FLNB: variants seen among roughly 807,000 people sequenced by gnomAD.
The protein encoded by FLNB is filamin-B.
FLNB carries 111 observed loss-of-function variants against 250.6 expected under a neutral mutation model. The observed-to-expected ratio is 0.44, with a 90% CI of 0.38 to 0.52. The LOEUF (loss-of-function observed/expected upper bound fraction) is 0.52, where lower values mean the gene tolerates loss of function less well. Ranked by LOEUF, FLNB falls within the 20% of genes least tolerant of loss-of-function variation. The probability of loss-of-function intolerance (pLI) is 0.00; values close to 1 mark genes in which losing one functional copy is unlikely to be tolerated. For synonymous variants in FLNB, 1,302 were observed against 1,372.1 expected (o/e 0.95, Z 1.13); for missense variants, 2,869 against 3,447.8 (o/e 0.83, Z 4.20).
At chr3:58,127,515 C>T (rs1210595973) in intron 24 of FLNB, among the ~76,000 whole-genome samples, 6 of 152,074 alleles carry the variant, frequency 3.9e-5, no homozygotes, top group South Asian at 2.1e-4. Flanking sequence ...TTCTCAACTC[C>T]GGCACTATGA....
chr3:58,076,119 G>A (rs759541259), intron 1 of FLNB, among the ~76,000 whole-genome samples: 2 of 152,180 alleles, frequency 1.3e-5, no homozygotes, highest in Non-Finnish European at 2.9e-5. Flanking sequence ...AATGACTGAC[G>A]TGTCAGAATA....
chr3:58,117,024 A>G (rs1219969482), intron 18 of FLNB, among the ~76,000 whole-genome samples: 1 of 152,180 alleles, frequency 6.6e-6, no homozygotes, highest in Admixed American at 6.5e-5. Flanking sequence ...TCTCAGTCCC[A>G]TCCTCTTCTG....
chr3:58,098,707 G>C lies in FLNB; in HGVS notation c.1148-4G>C, dbSNP rs771120650. The C allele has an allele frequency of 8.7e-6, 14 of 1,613,982 alleles. No individual in the cohort carries two copies. The highest frequency in any genetic ancestry group is 1.1e-5 in the Non-Finnish European group (13 of 1,179,986). ...GGGCTCATGGAATGCTTGCTTTCTT[G>C]TAGGAGCTGGTGTGGGTGACATTGG... On this transcript the variant is annotated splice_region_variant and splice_polypyrimidine_tract_variant and intron_variant, in intron 7 of 45. Coordinates refer to ENST00000295956, the MANE Select transcript of FLNB (RefSeq NM_001457.4).
intron 1 of FLNB, among the ~76,000 whole-genome samples, chr3:58,037,468 G>A (rs2097139735): frequency 6.6e-6 from 1 of 152,120 alleles, no homozygotes; most frequent in Admixed American, 6.6e-5. Flanking sequence ...GTAATGAATG[G>A]GGAGGTTCCT....
chr3:58,110,944 C>T (rs890479394), intron 16 of FLNB, among the ~76,000 whole-genome samples: 1 of 152,176 alleles, frequency 6.6e-6, no homozygotes, highest in Non-Finnish European at 1.5e-5. Context: ...TGGCTCCTTA[C>T]AACCAAGAAG....
In FLNB at chr3:58,130,707, G is replaced by A. The variant is rs372664231; in HGVS notation, c.4223-34G>A. The A allele has an allele frequency of 7.3e-4, 1,172 of 1,604,026 alleles. 6 individuals are homozygous for A. The highest frequency in any genetic ancestry group is 7.6e-4 in the Non-Finnish European group (893 of 1,174,420). On this transcript the variant is annotated intron_variant, in intron 24 of 45. Coordinates refer to ENST00000295956, the MANE Select transcript of FLNB (RefSeq NM_001457.4). ...TGCACAAGGTGGTCTCCAATTCCCAGCTTGTGCTCAGAATCCCACAACCTC... is the reference window on the plus strand; with the variant it reads ...TGCACAAGGTGGTCTCCAATTCCCAACTTGTGCTCAGAATCCCACAACCTC...
Position 58,138,134 on chromosome 3 carries a change from C to A in FLNB, c.4862-148C>A. On this transcript the variant is annotated intron_variant, in intron 28 of 45. Coordinates refer to ENST00000295956, the MANE Select transcript of FLNB (RefSeq NM_001457.4). ...CGTAACCCTTTGAGCAACACCTGAT[C>A]AGGGGATCTTTGGGATATCCCTCTG... 7.1e-6 allele frequency: 7 copies of A among 991,280 alleles called. No homozygotes were observed. The South Asian group carries it at 8.2e-5, about 12-fold the overall frequency. The allele number at this position is 991,280 out of a possible 1,614,324, so 61.4% of individuals were successfully genotyped here.
chr3:58,023,824 A>G (rs2097118499), intron 1 of FLNB, among the ~76,000 whole-genome samples: 1 of 152,108 alleles, frequency 6.6e-6, no homozygotes, highest in East Asian at 1.9e-4. Flanking sequence ...AGTTTTTAGG[A>G]CCTACTTTTA....
At chr3:58,060,769 C>CAAAAAAAAAAAA (rs71091334) in intron 1 of FLNB, among the ~76,000 whole-genome samples, 5 of 64,214 alleles carry the variant, frequency 7.8e-5, no homozygotes, top group African/African-American at 1.2e-4. Context: ...GACCTTGTCT[C>CAAAAAAAAAAAA]AAAAAAAAAA....
chr3:58,133,062 T>C (rs1196101033), intron 26 of FLNB, 131 bp downstream of exon 26: 1 of 1,021,818 alleles, frequency 9.8e-7, no homozygotes, highest in Non-Finnish European at 1.5e-6. Flanking sequence ...CCTCCATCAG[T>C]CCATCCATCC....
chr3:58,031,746 G>A (rs1483342554), intron 1 of FLNB, among the ~76,000 whole-genome samples: 1 of 151,064 alleles, frequency 6.6e-6, no homozygotes, highest in East Asian at 2.0e-4. Context: ...GTTTTGCCAT[G>A]TTGCCCAGGC....
chr3:58,144,235 C>T (rs778837389), intron 32 of FLNB, among the ~76,000 whole-genome samples: 4 of 152,072 alleles, frequency 2.6e-5, no homozygotes, highest in Non-Finnish European at 5.9e-5. Flanking sequence ...TTTTTATGTT[C>T]GATTTCAGAG....
chr3:58,037,631 A>C (rs1341721057), intron 1 of FLNB, among the ~76,000 whole-genome samples: 2 of 152,196 alleles, frequency 1.3e-5, no homozygotes, highest in Non-Finnish European at 2.9e-5. Context: ...CACTGTGCAC[A>C]CAAATTAGAA....
chr3:58,139,538 T>A (rs1372773867), intron 29 of FLNB, among the ~76,000 whole-genome samples: 3 of 152,242 alleles, frequency 2.0e-5, no homozygotes, highest in Non-Finnish European at 4.4e-5. Flanking sequence ...TCTGTTGTAG[T>A]ATTATTCCCT....
chr3:58,039,931 G>A (rs914501023), intron 1 of FLNB, among the ~76,000 whole-genome samples: 1 of 152,106 alleles, frequency 6.6e-6, no homozygotes, highest in African/African-American at 2.4e-5. Flanking sequence ...GATCACCTGA[G>A]GTCAAGAGTT....
chr3:58,110,477 T>C (rs2097266681), intron 16 of FLNB, among the ~76,000 whole-genome samples: 1 of 148,758 alleles, frequency 6.7e-6, no homozygotes, highest in Admixed American at 6.8e-5. Flanking sequence ...TGAGATGGAG[T>C]TTTGCTCTTG....
chr3:58,125,873 A>C lies in FLNB; in HGVS notation c.4061+130A>C, dbSNP rs1459629561. On this transcript the variant is annotated intron_variant, in intron 23 of 45. Coordinates refer to ENST00000295956, the MANE Select transcript of FLNB (RefSeq NM_001457.4). The stretch of plus-strand genomic sequence containing the variant: ...ATAACATGTATTTCCTTCTGTAGAG[A>C]CTTATGTTACATAGAAAGACCAAGC... 13 of 865,464 alleles carry C rather than the reference A, an allele frequency of 1.5e-5. No individual in the cohort carries two copies. The East Asian group carries it at 3.3e-4, about 22-fold the overall frequency. 53.6% of individuals were successfully genotyped at this position (865,464 alleles called of 1,614,324 possible).
At chr3:58,028,670 A>G (rs1467324062) in intron 1 of FLNB, among the ~76,000 whole-genome samples, 4 of 149,688 alleles carry the variant, frequency 2.7e-5, no homozygotes, top group Non-Finnish European at 5.9e-5. Context: ...CTAGAGTGCA[A>G]TGGCATGATC....
chr3:58,086,953 A>G (rs2097218294), intron 4 of FLNB, among the ~76,000 whole-genome samples: 2 of 152,196 alleles, frequency 1.3e-5, no homozygotes, highest in African/African-American at 2.4e-5. Context: ...TTTACCAAAA[A>G]TACAAAAATT....
Sources: allele counts gnomAD v4.1 joint callset (sites outside exome capture counted in the v4.1 genomes callset), GRCh38; gene constraint gnomAD v4.1.1; transcripts MANE v1.5; gene names NCBI Gene and HGNC (gene_info 2026-07-23, HGNC 2026-07-21).